The following NEGR1 variants were observed in gnomAD, a reference collection of about 807,000 sequenced individuals.
The protein encoded by NEGR1 is IgLON family member 4.
NEGR1 carries 10 observed loss-of-function variants against 40.9 expected under a neutral mutation model. The ratio of observed to expected loss-of-function variants is 0.24; its 90% CI spans 0.15 to 0.42. NEGR1 has a LOEUF of 0.42. Among genes scored for constraint, NEGR1 ranks in the 10% least tolerant of loss-of-function variants. NEGR1 has a pLI of 1.00. For synonymous variants in NEGR1, 185 were observed against 166.8 expected (o/e 1.11, Z -0.84); for missense variants, 352 against 438.9 (o/e 0.80, Z 1.77).
chr1:72,208,530 T>C (rs1653489264), intron 1 of NEGR1, among the ~76,000 whole-genome samples: 2 of 151,596 alleles, frequency 1.3e-5, no homozygotes, highest in Admixed American at 6.6e-5. Context: ...ATATCTATAC[T>C]GGCATCTCTA....
chr1:72,068,130 T>C lies in NEGR1; in HGVS notation c.177-132819A>G, dbSNP rs1210053234. Among the ~76,000 whole-genome samples, 7 of 152,318 alleles carry C rather than the reference T, an allele frequency of 4.6e-5. No individual in the cohort carries two copies. The South Asian group carries it at 6.2e-4, about 14-fold the overall frequency. ...GTTCCAGACTGATCTGTAACAATGT[T>C]GAGTTGTTATTCAGTTATTATGGAC... On this transcript the variant is annotated intron_variant, in intron 1 of 6. Coordinates refer to ENST00000357731, the MANE Select transcript of NEGR1 (RefSeq NM_173808.3).
Position 72,093,671 on chromosome 1 carries a change from A to C in NEGR1, c.177-158360T>G, listed in dbSNP as rs535722620. Reference sequence around the variant, plus strand: ...TGCTTCTTTTTTTTAACCTAGAAATATGTTCAAAAAATAGTGAGTCTCATT... The same window carrying C: ...TGCTTCTTTTTTTTAACCTAGAAATCTGTTCAAAAAATAGTGAGTCTCATT... On this transcript the variant is annotated intron_variant, in intron 1 of 6. Transcript: ENST00000357731. 1.8e-3 allele frequency among the ~76,000 whole-genome samples: 277 copies of C among 152,248 alleles called. 2 individuals are homozygous for C. Among genetic ancestry groups the C allele is most frequent in the African/African-American group, 6.5e-3 (270 of 41,552 alleles).
chr1:71,415,145 AT>A (rs1646347094), intron 6 of NEGR1, among the ~76,000 whole-genome samples: 1 of 151,726 alleles, frequency 6.6e-6, no homozygotes, highest in African/African-American at 2.4e-5. Context: ...TTTTCATTTG[AT>A]AAAAAAACAA....
chr1:71,496,617 G>T, intron 6 of NEGR1, among the ~76,000 whole-genome samples: 1 of 151,464 alleles, frequency 6.6e-6, no homozygotes, highest in Non-Finnish European at 1.5e-5. Context: ...CCTAGATAAT[G>T]CTTTTCAGAA....
intron 1 of NEGR1, among the ~76,000 whole-genome samples, chr1:71,996,661 C>T (rs1180390417): frequency 1.3e-5 from 2 of 152,094 alleles, no homozygotes; most frequent in Non-Finnish European, 2.9e-5. Context: ...TTCTTGCCTG[C>T]TCCCATCAAT....
At chr1:71,408,012 ATTGTCCC>A in intron 6 of NEGR1, 1 of 152,980 alleles carries the variant, frequency 6.5e-6, no homozygotes, top group East Asian at 1.9e-4. Flanking sequence ...AAACAAGAAT[ATTGTCCC>A]TTCCAAGGCC....
At chr1:72,060,788 C>A (rs1050653152) in intron 1 of NEGR1, among the ~76,000 whole-genome samples, 17 of 151,642 alleles carry the variant, frequency 1.1e-4, no homozygotes, top group Admixed American at 2.6e-4. Context: ...ATGTTCCATT[C>A]TGTAAACTCC....
chr1:71,836,070 C>G (rs1465557237), intron 2 of NEGR1, among the ~76,000 whole-genome samples: 2 of 152,052 alleles, frequency 1.3e-5, no homozygotes, highest in Non-Finnish European at 2.9e-5. Context: ...CCCTCATTAT[C>G]TCATACTGCC....
intron 1 of NEGR1, among the ~76,000 whole-genome samples, chr1:72,162,523 C>A (rs1343316056): frequency 6.6e-6 from 1 of 151,994 alleles, no homozygotes; most frequent in Non-Finnish European, 1.5e-5. Flanking sequence ...GGAAGACTTA[C>A]ACCATTGCCC....
chr1:71,767,058 C>A (rs928350659), intron 3 of NEGR1, among the ~76,000 whole-genome samples: 1 of 152,272 alleles, frequency 6.6e-6, no homozygotes, highest in South Asian at 2.1e-4. Flanking sequence ...TCGGGTATTT[C>A]TTTATAGCAG....
At chr1:71,880,186 TGAG>T (rs945535129) in intron 2 of NEGR1, among the ~76,000 whole-genome samples, 55 of 152,026 alleles carry the variant, frequency 3.6e-4, no homozygotes, top group African/African-American at 1.2e-3. Flanking sequence ...TGGAAAGTTT[TGAG>T]GATAGGTTTT....
intron 1 of NEGR1, among the ~76,000 whole-genome samples, chr1:72,209,342 C>G (rs1317850344): frequency 6.6e-6 from 1 of 151,608 alleles, no homozygotes; most frequent in East Asian, 1.9e-4. Context: ...TGTCATATCT[C>G]CTTGATTCAC....
intron 1 of NEGR1, among the ~76,000 whole-genome samples, chr1:72,195,715 A>G (rs948012945): frequency 4.6e-5 from 7 of 151,992 alleles, no homozygotes; most frequent in African/African-American, 1.4e-4. Flanking sequence ...ACCATATCCA[A>G]TGTAAAATTC....
At chr1:72,164,735 T>A (rs1310967509) in intron 1 of NEGR1, among the ~76,000 whole-genome samples, 1 of 152,030 alleles carries the variant, frequency 6.6e-6, no homozygotes, top group Non-Finnish European at 1.5e-5. Flanking sequence ...TTTTTCTTGC[T>A]TCCTTTATCA....
chr1:71,685,841 G>T (rs1424711038), intron 4 of NEGR1, among the ~76,000 whole-genome samples: 2 of 152,156 alleles, frequency 1.3e-5, no homozygotes, highest in South Asian at 2.1e-4. Flanking sequence ...ATATAAACGT[G>T]AATTAAATAC....
chr1:71,744,939 T>C (rs1158161845), intron 3 of NEGR1, among the ~76,000 whole-genome samples: 2 of 152,200 alleles, frequency 1.3e-5, no homozygotes, highest in African/African-American at 4.8e-5. Context: ...AAGAAAACTA[T>C]ACTGCACTTA....
chr1:71,885,242 C>A (rs1660692366), intron 2 of NEGR1, among the ~76,000 whole-genome samples: 1 of 152,190 alleles, frequency 6.6e-6, no homozygotes, highest in Non-Finnish European at 1.5e-5. Flanking sequence ...AGGTACCTTC[C>A]TTTTCAGCTT....
rs554426446 is a variant in NEGR1 at position 72,172,254 on chromosome 1, TC to T, written c.176+110064del. 3.5e-3 allele frequency among the ~76,000 whole-genome samples: 531 copies of T among 152,264 alleles called. 5 individuals carry two copies. The highest frequency in any genetic ancestry group is 0.012 in the African/African-American group (511 of 41,568). ...GGTATAATAAAATATTTCTACTAGT[TC>T]CTTTTCTACATTATTTCAATAATTT... On this transcript the variant is annotated intron_variant, in intron 1 of 6. Coordinates refer to ENST00000357731, the MANE Select transcript of NEGR1 (RefSeq NM_173808.3).
intron 1 of NEGR1, among the ~76,000 whole-genome samples, chr1:72,178,105 T>C (rs953600848): frequency 1.3e-5 from 2 of 152,028 alleles, no homozygotes; most frequent in Admixed American, 6.6e-5. Flanking sequence ...CAGTCAAAGA[T>C]ATTAAATTGC....
Sources: gnomAD v4.1 joint callset for allele counts (sites outside exome capture counted in the v4.1 genomes callset) on GRCh38, gnomAD v4.1.1 for gene constraint, MANE v1.5 for transcripts, NCBI Gene and HGNC (gene_info 2026-07-23, HGNC 2026-07-21) for gene names.